GRIN2A: variants seen among roughly 807,000 people sequenced by gnomAD.
GRIN2A encodes the protein glutamate ionotropic receptor NMDA type subunit 2A, also known as glutamate receptor ionotropic, NMDA 2A.
Under a neutral mutation model 113.4 loss-of-function variants are expected in GRIN2A, and 22 were observed. That is an observed-to-expected ratio of 0.19 (90% CI 0.14 to 0.28). GRIN2A has a LOEUF of 0.28. Ranked by LOEUF, GRIN2A falls within the 10% of genes least tolerant of loss-of-function variation. The pLI, the probability that GRIN2A is intolerant of heterozygous loss-of-function variation, is 1.00. For missense variants in GRIN2A, 1,502 were observed against 1,887.0 expected (o/e 0.80, Z 3.78); for synonymous variants, 827 against 738.4 (o/e 1.12, Z -1.94).
At chr16:10,014,391 T>C (rs571504613) in intron 2 of GRIN2A, among the ~76,000 whole-genome samples, 1 of 152,340 alleles carries the variant, frequency 6.6e-6, no homozygotes, top group South Asian at 2.1e-4. Flanking sequence ...TTGGCCACTA[T>C]ATGTTCTTTT....
chr16:9,849,730 C>T (rs2042846607), intron 5 of GRIN2A, 26 bp downstream of exon 5: 1 of 1,566,878 alleles, frequency 6.4e-7, no homozygotes, highest in Admixed American at 1.7e-5. Flanking sequence ...TGGGCACGTT[C>T]AGGTGACAGC....
intron 2 of GRIN2A, among the ~76,000 whole-genome samples, chr16:10,164,939 A>G (rs2049880743): frequency 6.6e-6 from 1 of 152,236 alleles, no homozygotes; most frequent in African/African-American, 2.4e-5. Context: ...GAGTTAAGTG[A>G]CAGAGATACT....
intron 2 of GRIN2A, among the ~76,000 whole-genome samples, chr16:10,009,920 T>C (rs2046474657): frequency 6.6e-6 from 1 of 152,184 alleles, no homozygotes; most frequent in African/African-American, 2.4e-5. Context: ...ACAGGCCGGA[T>C]GATGGCCAAA....
chr16:10,043,888 CATAT>C (rs758287683), intron 2 of GRIN2A, among the ~76,000 whole-genome samples: 1 of 151,056 alleles, frequency 6.6e-6, no homozygotes, highest in Non-Finnish European at 1.5e-5. Flanking sequence ...CATACACACA[CATAT>C]ATATATACAC....
At chr16:10,080,212 C>T (rs1306131420) in intron 2 of GRIN2A, among the ~76,000 whole-genome samples, 1 of 152,208 alleles carries the variant, frequency 6.6e-6, no homozygotes, top group Non-Finnish European at 1.5e-5. Context: ...TGTTAAGTTT[C>T]TTGCTGTGGT....
intron 2 of GRIN2A, among the ~76,000 whole-genome samples, chr16:9,972,445 A>G (rs1447177149): frequency 6.6e-6 from 1 of 152,240 alleles, no homozygotes; most frequent in East Asian, 1.9e-4. Flanking sequence ...GAAAGAAGAC[A>G]ATCAACAGAG....
intron 2 of GRIN2A, among the ~76,000 whole-genome samples, chr16:9,952,329 G>A (rs1272995662): frequency 2.0e-5 from 3 of 152,146 alleles, no homozygotes; most frequent in Non-Finnish European, 4.4e-5. Context: ...GGGCAACTTG[G>A]CACAGGCTGG....
intron 11 of GRIN2A, among the ~76,000 whole-genome samples, chr16:9,797,336 G>T (rs1237005414): frequency 6.6e-6 from 1 of 152,152 alleles, no homozygotes; most frequent in Non-Finnish European, 1.5e-5. Context: ...TTTCCTCCGT[G>T]TTGGCAATTG....
intron 10 of GRIN2A, among the ~76,000 whole-genome samples, chr16:9,810,423 G>A (rs1321388429): frequency 6.6e-6 from 1 of 152,082 alleles, no homozygotes; most frequent in African/African-American, 2.4e-5. Context: ...TGTACACCTG[G>A]GACATCAGAG....
intron 2 of GRIN2A, chr16:10,111,474 C>G (rs1449307804): frequency 6.2e-6 from 4 of 642,510 alleles, no homozygotes; most frequent in Non-Finnish European, 1.1e-5. Context: ...ACTGCCGCAC[C>G]CACAACAACT....
intron 10 of GRIN2A, among the ~76,000 whole-genome samples, chr16:9,814,955 A>G (rs960496086): frequency 2.1e-5 from 3 of 146,092 alleles, no homozygotes; most frequent in Admixed American, 1.4e-4. Flanking sequence ...CGGAAGGCAG[A>G]GGTTGTGGTG....
intron 11 of GRIN2A, among the ~76,000 whole-genome samples, chr16:9,794,447 A>G (rs1902837163): frequency 6.6e-6 from 1 of 152,176 alleles, no homozygotes; most frequent in Non-Finnish European, 1.5e-5. Flanking sequence ...TTTAGAGCAT[A>G]ATTAATCCTG....
chr16:10,016,888 A>G (rs1044954762), intron 2 of GRIN2A, among the ~76,000 whole-genome samples: 20 of 152,218 alleles, frequency 1.3e-4, no homozygotes, highest in Admixed American at 1.3e-4. Flanking sequence ...GAGCTGGCAC[A>G]GAAGACAAGC....
At chr16:9,850,355 CA>C (rs2042861964) in intron 4 of GRIN2A, among the ~76,000 whole-genome samples, 1 of 152,214 alleles carries the variant, frequency 6.6e-6, no homozygotes, top group African/African-American at 2.4e-5. Flanking sequence ...CTGTACTAGG[CA>C]AGCTCTTAAT....
At chr16:9,830,609 C>T (rs561370392) in intron 8 of GRIN2A, among the ~76,000 whole-genome samples, 25 of 152,176 alleles carry the variant, frequency 1.6e-4, no homozygotes, top group Non-Finnish European at 1.9e-4. Context: ...TCAGATGTCA[C>T]CTGCCAATAT....
chr16:9,768,205 C>T (rs576016107), intron 12 of GRIN2A, among the ~76,000 whole-genome samples: 22 of 152,086 alleles, frequency 1.4e-4, no homozygotes, highest in South Asian at 8.3e-4. Flanking sequence ...GGACTACAGG[C>T]GCCCGGCTAA....
intron 2 of GRIN2A, among the ~76,000 whole-genome samples, chr16:10,156,081 A>G (rs2049688837): frequency 6.6e-6 from 1 of 152,242 alleles, no homozygotes; most frequent in Non-Finnish European, 1.5e-5. Flanking sequence ...CCCAGGGTCC[A>G]GGAAAACTGT....
intron 2 of GRIN2A, among the ~76,000 whole-genome samples, chr16:9,982,160 G>C (rs1215025319): frequency 6.6e-6 from 1 of 152,122 alleles, no homozygotes; most frequent in Non-Finnish European, 1.5e-5. Context: ...TTTTGTTGCA[G>C]TTTCCAATAG....
chr16:10,151,556 G>C (rs1274864054), intron 2 of GRIN2A, among the ~76,000 whole-genome samples: 1 of 152,182 alleles, frequency 6.6e-6, no homozygotes, highest in Non-Finnish European at 1.5e-5. Flanking sequence ...ACATCTCTTT[G>C]CTATAGGAAA....
Sources: gnomAD v4.1 joint callset for allele counts (sites outside exome capture counted in the v4.1 genomes callset) on GRCh38, gnomAD v4.1.1 for gene constraint, MANE v1.5 for transcripts, NCBI Gene and HGNC (gene_info 2026-07-23, HGNC 2026-07-21) for gene names.